C12orf42: variants seen among roughly 807,000 people sequenced by gnomAD.
The protein encoded by C12orf42 is uncharacterized protein C12orf42.
A neutral mutation model predicts 21.6 loss-of-function variants in C12orf42; 25 were observed. That is an observed-to-expected ratio of 1.16 (90% CI 0.84 to 1.62). The LOEUF is 1.62. C12orf42 is among the 40% of genes most tolerant of loss of function. C12orf42 has a pLI of 0.00. For missense variants in C12orf42, 483 were observed against 459.3 expected, an observed-to-expected ratio of 1.05 and a Z score of -0.47; for synonymous variants, 174 against 175.0, an observed-to-expected ratio of 0.99 and a Z score of 0.05.
At chr12:103,184,259 TTA>T in the C12orf42 span, among the ~76,000 whole-genome samples, 1 of 152,170 alleles carries the variant, frequency 6.6e-6, no homozygotes, top group Non-Finnish European at 1.5e-5. Context: ...GTTAAGATCT[TTA>T]TGTTTTCCTG....
intron 1 of C12orf42, among the ~76,000 whole-genome samples, chr12:103,487,398 G>C (rs944909424): frequency 6.6e-6 from 1 of 152,210 alleles, no homozygotes; most frequent in Admixed American, 6.5e-5. Flanking sequence ...TTTAGAGTAA[G>C]TGTGATGTGG....
chr12:103,188,341 G>C, the C12orf42 span, among the ~76,000 whole-genome samples: 1 of 151,984 alleles, frequency 6.6e-6, no homozygotes, highest in Non-Finnish European at 1.5e-5. Context: ...TTGGTTACAT[G>C]AGTGAGTTCT....
chr12:103,320,793 T>C (rs1258182689), intron 4 of C12orf42, among the ~76,000 whole-genome samples: 1 of 152,226 alleles, frequency 6.6e-6, no homozygotes, highest in Non-Finnish European at 1.5e-5. Flanking sequence ...CTGCTGCTTA[T>C]GCTCACAACA....
intron 2 of C12orf42, among the ~76,000 whole-genome samples, chr12:103,450,949 T>C (rs983773976): frequency 6.6e-6 from 1 of 152,146 alleles, no homozygotes; most frequent in Non-Finnish European, 1.5e-5. Context: ...ACTTAAGAAC[T>C]TCCTGGACCT....
the C12orf42 span, among the ~76,000 whole-genome samples, chr12:103,197,150 A>G: frequency 6.6e-6 from 1 of 152,124 alleles, no homozygotes; most frequent in Middle Eastern, 3.2e-3. Context: ...TCTGAAAAAG[A>G]TTTTATTTCA....
chr12:103,145,237 C>T, the C12orf42 span, among the ~76,000 whole-genome samples: 1 of 152,188 alleles, frequency 6.6e-6, no homozygotes, highest in Non-Finnish European at 1.5e-5. Flanking sequence ...ATCTTTCCCA[C>T]ATTTAAAATA....
intron 1 of C12orf42, among the ~76,000 whole-genome samples, chr12:103,490,269 C>T (rs571480504): frequency 6.6e-6 from 1 of 152,296 alleles, no homozygotes; most frequent in East Asian, 1.9e-4. Flanking sequence ...TGTTATTTCT[C>T]AGGATTTCTA....
chr12:103,236,280 TG>T (rs1165430065), downstream of C12orf42, among the ~76,000 whole-genome samples: 1 of 152,184 alleles, frequency 6.6e-6, no homozygotes, highest in Non-Finnish European at 1.5e-5. Context: ...AATAAATTAC[TG>T]GGCCAGATTT....
rs557173166 is a variant in C12orf42, at chr12:103,440,731, C to A, written c.78+37618G>T. Among the ~76,000 whole-genome samples the A allele has an allele frequency of 6.6e-5, 10 of 152,204 alleles. No individual in the cohort carries two copies. In the South Asian group the frequency reaches 1.9e-3, roughly 28 times the overall value. On this transcript the variant is annotated intron_variant, in intron 2 of 5. Coordinates refer to ENST00000548883, the MANE Select transcript of C12orf42 (RefSeq NM_198521.5). ...AACCCAGATTGGCCTAACTCCATTTCAAATGAGGTACAACACCACACCGTG... is the reference window on the plus strand; with the variant it reads ...AACCCAGATTGGCCTAACTCCATTTAAAATGAGGTACAACACCACACCGTG...
chr12:103,364,875 C>T lies in C12orf42; in HGVS notation c.259+4012G>A, dbSNP rs560853870. 7.9e-5 allele frequency among the ~76,000 whole-genome samples: 12 copies of T among 152,000 alleles called. No individual in the cohort carries two copies. The South Asian group carries it at 2.5e-3, about 31-fold the overall frequency. On this transcript the variant is annotated intron_variant, in intron 4 of 5. Transcript: ENST00000548883. ...CAGCCAAAAAAAGTCCAGAACCAGG[C>T]AGATTCACAGTTGAATTCTAGCAGA...
chr12:103,320,915 G>T (rs2040024029), intron 4 of C12orf42, among the ~76,000 whole-genome samples: 1 of 152,138 alleles, frequency 6.6e-6, no homozygotes, highest in Non-Finnish European at 1.5e-5. Flanking sequence ...ATAGTTGTAA[G>T]TTATTAGAGG....
the C12orf42 span, among the ~76,000 whole-genome samples, chr12:103,519,313 T>G: frequency 1.3e-5 from 2 of 152,102 alleles, no homozygotes; most frequent in African/African-American, 2.4e-5. Context: ...ATATTAGTCA[T>G]GTGTTGAGAG....
the C12orf42 span, among the ~76,000 whole-genome samples, chr12:103,218,372 C>A: frequency 2.6e-5 from 4 of 151,934 alleles, no homozygotes; most frequent in African/African-American, 9.7e-5. Flanking sequence ...TAGCTACAGA[C>A]AATGGTTGCA....
At chr12:103,085,728 C>T in the C12orf42 span, among the ~76,000 whole-genome samples, 1 of 152,028 alleles carries the variant, frequency 6.6e-6, no homozygotes, top group Non-Finnish European at 1.5e-5. Context: ...AGTAGTAGGC[C>T]TCAGCTTTCA....
At chr12:103,073,388 T>C in the C12orf42 span, among the ~76,000 whole-genome samples, 1 of 152,128 alleles carries the variant, frequency 6.6e-6, no homozygotes, top group Non-Finnish European at 1.5e-5. Context: ...TGGCCAGCAG[T>C]CAACAAATGG....
the C12orf42 span, among the ~76,000 whole-genome samples, chr12:103,179,669 T>G: frequency 6.6e-6 from 1 of 152,094 alleles, no homozygotes; most frequent in Non-Finnish European, 1.5e-5. Flanking sequence ...AAGGCCAAAT[T>G]AGAAATATGA....
chr12:103,246,974 G>A (rs982687631), intron 10 of C12orf42, among the ~76,000 whole-genome samples: 3 of 151,556 alleles, frequency 2.0e-5, no homozygotes, highest in Admixed American at 1.3e-4. Context: ...ACTGAAATAA[G>A]ATTTTCATAT....
the C12orf42 span, among the ~76,000 whole-genome samples, chr12:103,071,988 T>C: frequency 3.9e-5 from 6 of 152,314 alleles, no homozygotes; most frequent in African/African-American, 1.2e-4. Flanking sequence ...ACATAGCATG[T>C]AGGTGCTTAC....
chr12:103,393,574 G>A lies in C12orf42; in HGVS notation c.147+8033C>T, dbSNP rs188512420. Reference sequence around the variant, plus strand: ...AATATCAACAACAACACATGCTTCCGTTCCCTTATCCTGCTTTTTCTCTAT... The same window carrying A: ...AATATCAACAACAACACATGCTTCCATTCCCTTATCCTGCTTTTTCTCTAT... On this transcript the variant is annotated intron_variant, in intron 3 of 5. Coordinates refer to ENST00000548883, the MANE Select transcript of C12orf42 (RefSeq NM_198521.5). 1.1e-3 allele frequency among the ~76,000 whole-genome samples: 163 copies of A among 152,132 alleles called. 1 individual carries two copies. Among genetic ancestry groups the A allele is most frequent in the African/African-American group, 3.4e-3 (142 of 41,514 alleles).
Sources: gnomAD v4.1 joint callset for allele counts (sites outside exome capture counted in the v4.1 genomes callset) on GRCh38, gnomAD v4.1.1 for gene constraint, MANE v1.5 for transcripts, NCBI Gene and HGNC (gene_info 2026-07-23, HGNC 2026-07-21) for gene names.